The following TUBGCP5 variants were observed in gnomAD, a reference collection of about 807,000 sequenced individuals.
TUBGCP5 encodes the protein tubulin gamma complex component 5.
TUBGCP5 carries 98 observed loss-of-function variants against 134.7 expected under a neutral mutation model. The observed-to-expected ratio is 0.73, with a 90% CI of 0.62 to 0.86. The LOEUF is 0.86. Among genes scored for constraint, TUBGCP5 ranks in the 40% least tolerant of loss-of-function variants. The pLI, the probability that TUBGCP5 is intolerant of heterozygous loss-of-function variation, is 0.00. For missense variants in TUBGCP5, 1,150 were observed against 1,244.8 expected, an observed-to-expected ratio of 0.92 and a Z score of 1.15; for synonymous variants, 456 against 431.4, an observed-to-expected ratio of 1.06 and a Z score of -0.71.
intron 23 of TUBGCP5, among the ~76,000 whole-genome samples, chr15:22,983,984 G>A (rs1208529371): frequency 1.3e-5 from 2 of 152,086 alleles, no homozygotes; most frequent in Non-Finnish European, 2.9e-5. Context: ...GCTGGGCATA[G>A]TAGGCGGTGC....
rs1202882197 is a variant in TUBGCP5, at chr15:23,013,803, C to T, written c.1757-2472G>A. ...CCCACCCCTTTGAGCCAAGCTGTTG[C>T]AGCATGGCACCATCTTCAGACCAGA... On this transcript the variant is annotated intron_variant, in intron 13 of 22. Coordinates refer to ENST00000615383, the MANE Select transcript of TUBGCP5 (RefSeq NM_052903.6). This position sits in a 1 kb window ranked among gnomAD's most constrained non-coding sequence, Gnocchi z 4.5. 6.6e-6 allele frequency among the ~76,000 whole-genome samples: 1 copy of T among 152,174 alleles called. No individual in the cohort carries two copies. Among genetic ancestry groups the T allele is most frequent in the Non-Finnish European group, 1.5e-5 (1 of 68,018 alleles).
intron 3 of TUBGCP5, among the ~76,000 whole-genome samples, chr15:23,033,507 G>C (rs141986429): frequency 2.6e-5 from 4 of 152,238 alleles, no homozygotes; most frequent in African/African-American, 4.8e-5. Flanking sequence ...TCCAACTCCT[G>C]ACCTCATGAT....
In TUBGCP5 at chr15:23,006,140, C is replaced by T. The variant is rs778333589; in HGVS notation, c.2445G>A (p.Leu815=). The T allele has an allele frequency of 6.2e-7, 1 of 1,610,838 alleles. No individual in the cohort carries two copies. Among genetic ancestry groups the T allele is most frequent in the Non-Finnish European group, 8.5e-7 (1 of 1,179,362 alleles). ...VPWPVDIVIS[L]ECQKIYNQVF... The stretch of plus-strand genomic sequence containing the variant: ...CTTGATTATAAATTTTTTGACATTC[C>T]AAACTTATAACAATGTCCACGGGCC... Residue 815 remains leucine, a synonymous_variant, in exon 18 of 23, where the codon TTG becomes TTA. Transcript: ENST00000615383.
intron 22 of TUBGCP5, chr15:23,000,162 C>T: frequency 1.3e-6 from 1 of 785,372 alleles, no homozygotes; most frequent in Admixed American, 3.9e-5. Context: ...TTCACTCAAC[C>T]TCCCAAAGGG....
At chr15:23,016,945 G>C (rs2065354077) in intron 13 of TUBGCP5, among the ~76,000 whole-genome samples, 1 of 108,864 alleles carries the variant, frequency 9.2e-6, no homozygotes, top group African/African-American at 3.7e-5. Context: ...CCCAACAACA[G>C]ATGAATGGGT....
chr15:22,997,283 G>A (rs530979244), downstream of TUBGCP5, among the ~76,000 whole-genome samples: 229 of 151,090 alleles, frequency 1.5e-3, no homozygotes, highest in African/African-American at 5.0e-3. Flanking sequence ...AGGTTCAAGC[G>A]ATTCTCCTGT....
intron 22 of TUBGCP5, 148 bp from the exon 23 acceptor site, chr15:23,000,014 A>C (rs2064279662): frequency 2.7e-6 from 2 of 731,754 alleles, no homozygotes; most frequent in Admixed American, 2.5e-5. Flanking sequence ...GGGTTCAAGC[A>C]ATTTTCCTGC....
rs201222863 is a variant in TUBGCP5, at chr15:23,005,633, A to C, written c.2534-23T>G. ...GTTCTATAAAACATTGGAAGAGCAAAGTGGACAGAAAGAGCATCAACTCAA... is the reference window on the plus strand; with the variant it reads ...GTTCTATAAAACATTGGAAGAGCAACGTGGACAGAAAGAGCATCAACTCAA... On this transcript the variant is annotated intron_variant, in intron 18 of 22. Transcript: ENST00000615383. The C allele has an allele frequency of 4.4e-3, 7,056 of 1,604,194 alleles. 30 individuals are homozygous for C. The highest frequency in any genetic ancestry group is 5.2e-3 in the Non-Finnish European group (6,138 of 1,173,528).
At chr15:23,016,971 T>TATATATATATATATATATAC (rs2065365752) in intron 13 of TUBGCP5, among the ~76,000 whole-genome samples, 1 of 138,522 alleles carries the variant, frequency 7.2e-6, no homozygotes, top group Non-Finnish European at 1.5e-5. Context: ...AATTGTGAGA[T>TATATATATATATATATATAC]ATATATATAT....
intron 13 of TUBGCP5, among the ~76,000 whole-genome samples, chr15:23,016,280 G>A (rs2065309778): frequency 6.6e-6 from 1 of 152,190 alleles, no homozygotes; most frequent in African/African-American, 2.4e-5. Flanking sequence ...ATCACTTGAG[G>A]TCAGGAGTTC....
intron 21 of TUBGCP5, among the ~76,000 whole-genome samples, chr15:23,001,705 A>T (rs1252698739): frequency 2.6e-5 from 4 of 151,642 alleles, no homozygotes; most frequent in Non-Finnish European, 5.9e-5. Flanking sequence ...AGAACTTCAG[A>T]AGGGGTTTCC....
At chr15:23,005,151 A>G (rs545894134) in intron 19 of TUBGCP5, among the ~76,000 whole-genome samples, 1 of 152,120 alleles carries the variant, frequency 6.6e-6, no homozygotes. Context: ...CTAAAGGACT[A>G]TGCGGCACAT....
At chr15:22,993,525 G>GTTTTTTTCTTTTTTTTTTTTTT (rs2063925318) in intron 23 of TUBGCP5, among the ~76,000 whole-genome samples, 1 of 69,288 alleles carries the variant, frequency 1.4e-5, no homozygotes, top group African/African-American at 6.0e-5. Context: ...AGCCCCCGAA[G>GTTTTTTTCTTTTTTTTTTTTTT]TTTTTTTTTT....
At position 23,013,245 on chromosome 15, in the gene TUBGCP5, G is replaced by C. The variant is rs1298563965; in HGVS notation, c.1757-1914C>G. Among the ~76,000 whole-genome samples, 1 of 151,902 alleles carries C rather than the reference G, an allele frequency of 6.6e-6. No homozygotes were observed. The highest frequency in any genetic ancestry group is 1.5e-5 in the Non-Finnish European group (1 of 67,998). On this transcript the variant is annotated intron_variant, in intron 13 of 22. Transcript: ENST00000615383. The surrounding 1 kb of genome is among the most constrained non-coding windows in gnomAD (Gnocchi z 4.5). ...AGGCGGGCGGATCATGAGGTCAGGGGATCGAGACCATACTGGCTAGTATGG... is the reference window on the plus strand; with the variant it reads ...AGGCGGGCGGATCATGAGGTCAGGGCATCGAGACCATACTGGCTAGTATGG...
intron 16 of TUBGCP5, among the ~76,000 whole-genome samples, chr15:23,007,280 C>T (rs2064775761): frequency 6.6e-6 from 1 of 152,136 alleles, no homozygotes; most frequent in Non-Finnish European, 1.5e-5. Flanking sequence ...GTCCCAGCAA[C>T]TCGGGAGGCT....
At chr15:22,998,755 C>G (rs188503590), downstream of TUBGCP5, among the ~76,000 whole-genome samples, 40 of 152,232 alleles carry the variant, frequency 2.6e-4, no homozygotes, top group Non-Finnish European at 3.8e-4. Flanking sequence ...GCTGGGATTA[C>G]AGATGTGGGC....
intron 20 of TUBGCP5, among the ~76,000 whole-genome samples, 165 bp from the exon 21 acceptor site, chr15:23,003,318 C>A (rs930390931): frequency 2.0e-5 from 3 of 152,166 alleles, no homozygotes; most frequent in Non-Finnish European, 4.4e-5. Context: ...CATTTGGGAC[C>A]AGGCACATGC....
Position 23,017,806 on chromosome 15 carries a change from C to T in TUBGCP5, c.1723G>A (p.Ala575Thr). The T allele has an allele frequency of 1.2e-6, 2 of 1,613,932 alleles. No individual in the cohort carries two copies. The highest frequency in any genetic ancestry group is 1.3e-5 in the African/African-American group (1 of 75,042). ...CCTGCCTGGCAGGTGGTGCTCTCCG[C>T]ACACTGCAGGTTCTTCAGCAGCTGC... ...SMQLLKNLQC[A>T]ESTTCQAGAR... The change falls in exon 13 of 23, where the codon GCG (alanine) becomes ACG (threonine). Residue 575 changes from alanine to threonine, a missense_variant. By Grantham distance (58) the Ala-to-Thr change is moderately conservative. Transcript: ENST00000615383.
intron 13 of TUBGCP5, among the ~76,000 whole-genome samples, chr15:23,016,264 G>A (rs566669466): frequency 2.6e-5 from 4 of 152,274 alleles, no homozygotes; most frequent in South Asian, 2.1e-4. Flanking sequence ...AGGCCAAGGC[G>A]GGCAGATCAC....
Sources: allele counts gnomAD v4.1 joint callset (sites outside exome capture counted in the v4.1 genomes callset), GRCh38; gene constraint gnomAD v4.1.1; non-coding constraint Gnocchi (gnomAD v3.1); transcripts MANE v1.5; gene names NCBI Gene and HGNC (gene_info 2026-07-23, HGNC 2026-07-21).